The following NOS1AP variants were observed in gnomAD, a reference collection of about 807,000 sequenced individuals.
NOS1AP encodes nitric oxide synthase 1 adaptor protein.
NOS1AP carries 21 observed loss-of-function variants against 56.2 expected under a neutral mutation model. The ratio of observed to expected loss-of-function variants is 0.37; its 90% CI spans 0.26 to 0.54. The LOEUF is 0.54. Among genes scored for constraint, NOS1AP ranks in the 20% least tolerant of loss-of-function variants. The pLI is 0.84. For synonymous variants in NOS1AP, 270 were observed against 274.6 expected (o/e 0.98, Z 0.17); for missense variants, 522 against 657.8 (o/e 0.79, Z 2.26).
chr1:162,088,306 A>T (rs1299855801), intron 1 of NOS1AP, among the ~76,000 whole-genome samples: 1 of 152,148 alleles, frequency 6.6e-6, no homozygotes, highest in African/African-American at 2.4e-5. Context: ...GCACCATAGG[A>T]TCACCTGAGG....
intron 2 of NOS1AP, among the ~76,000 whole-genome samples, chr1:162,203,717 G>A (rs935806031): frequency 3.3e-5 from 5 of 152,160 alleles, no homozygotes; most frequent in African/African-American, 1.2e-4. Context: ...TAATGCATGT[G>A]ATGTAGATGA....
intron 2 of NOS1AP, among the ~76,000 whole-genome samples, chr1:162,176,849 T>C (rs1011075490): frequency 2.0e-4 from 31 of 152,164 alleles, no homozygotes; most frequent in African/African-American, 7.5e-4. Flanking sequence ...TGTACCACAG[T>C]TTTTTCACTT....
At chr1:162,256,506 G>T (rs1654036042) in intron 2 of NOS1AP, among the ~76,000 whole-genome samples, 1 of 152,292 alleles carries the variant, frequency 6.6e-6, no homozygotes, top group South Asian at 2.1e-4. Context: ...CAGACTGCCT[G>T]TGAAGATTAA....
intron 1 of NOS1AP, among the ~76,000 whole-genome samples, chr1:162,085,700 A>G (rs1300245070): frequency 6.6e-6 from 1 of 152,140 alleles, no homozygotes; most frequent in African/African-American, 2.4e-5. Flanking sequence ...CATCTACCAT[A>G]TTTGGGACAC....
intron 1 of NOS1AP, among the ~76,000 whole-genome samples, chr1:162,153,365 G>T (rs569388079): frequency 8.8e-4 from 134 of 152,216 alleles, no homozygotes; most frequent in Non-Finnish European, 1.7e-3. Context: ...CTGACCTCAA[G>T]TGGTCTCCTT....
chr1:162,116,134 C>G (rs899840399), intron 1 of NOS1AP, among the ~76,000 whole-genome samples: 2 of 152,182 alleles, frequency 1.3e-5, no homozygotes, highest in African/African-American at 4.8e-5. Context: ...GGCTGAGCCC[C>G]TGGCCTCTGA....
chr1:162,152,953 G>A (rs999424184), intron 1 of NOS1AP, among the ~76,000 whole-genome samples: 7 of 151,994 alleles, frequency 4.6e-5, no homozygotes, highest in African/African-American at 1.7e-4. Flanking sequence ...TATCCCTTGG[G>A]CTGTTTTATG....
rs1656279690 is a variant in NOS1AP at position 162,317,811 on chromosome 1, G to A, written c.345-15206G>A. Reference sequence around the variant, plus strand: ...TGAGAAAGGGAAGTCAGTAACAGATGGGTGAAATGCAGGTCTGGGGCAGTT... The same window carrying A: ...TGAGAAAGGGAAGTCAGTAACAGATAGGTGAAATGCAGGTCTGGGGCAGTT... On this transcript the variant is annotated intron_variant, in intron 4 of 9. Transcript: ENST00000361897. The A allele has an allele frequency of 2.6e-5, 4 of 152,202 alleles. No homozygotes were observed. The South Asian group carries it at 8.3e-4, about 32-fold the overall frequency. The allele number at this position is 152,202 out of a possible 1,614,324, so 9.4% of individuals were successfully genotyped here.
intron 4 of NOS1AP, among the ~76,000 whole-genome samples, chr1:162,315,322 G>A (rs752385141): frequency 2.0e-5 from 3 of 152,214 alleles, no homozygotes; most frequent in South Asian, 2.1e-4. Flanking sequence ...TAGTAGGACC[G>A]TGTTGTAGCT....
chr1:162,169,235 C>A (rs934215606), intron 2 of NOS1AP, among the ~76,000 whole-genome samples: 4 of 152,204 alleles, frequency 2.6e-5, no homozygotes, highest in African/African-American at 9.6e-5. Flanking sequence ...TCTGACCAAT[C>A]CCACACCTTC....
In NOS1AP at chr1:162,356,940, G is replaced by A; in HGVS notation, c.763-20G>A. On this transcript the variant is annotated intron_variant, in intron 7 of 9. Transcript: ENST00000361897. ...TGGCTCCTGCCACATGTCATGTCCTGTCTTCTCCTTCTCCTCCAGGTTTCG... is the reference window on the plus strand; with the variant it reads ...TGGCTCCTGCCACATGTCATGTCCTATCTTCTCCTTCTCCTCCAGGTTTCG... 6.2e-7 allele frequency: 1 copy of A among 1,613,926 alleles called. No individual in the cohort carries two copies. Among genetic ancestry groups the A allele is most frequent in the Non-Finnish European group, 8.5e-7 (1 of 1,180,034 alleles).
At chr1:162,158,346 A>G (rs531650366) in intron 2 of NOS1AP, among the ~76,000 whole-genome samples, 2 of 152,300 alleles carry the variant, frequency 1.3e-5, no homozygotes, top group South Asian at 4.2e-4. Flanking sequence ...AGGCTGCTTA[A>G]TATTCCATAG....
intron 2 of NOS1AP, among the ~76,000 whole-genome samples, chr1:162,191,351 G>C (rs1277274774): frequency 6.6e-6 from 1 of 152,148 alleles, no homozygotes; most frequent in Non-Finnish European, 1.5e-5. Context: ...GCTTCTGACT[G>C]TTCTTTCCTG....
intron 2 of NOS1AP, among the ~76,000 whole-genome samples, chr1:162,259,639 A>G (rs991559052): frequency 3.3e-5 from 5 of 152,216 alleles, no homozygotes; most frequent in African/African-American, 4.8e-5. Flanking sequence ...TGTACTTTCA[A>G]TTATGTTCAT....
chr1:162,174,299 T>C (rs1384791125), intron 2 of NOS1AP, among the ~76,000 whole-genome samples: 1 of 150,952 alleles, frequency 6.6e-6, no homozygotes, highest in Non-Finnish European at 1.5e-5. Flanking sequence ...CTCAGCAAAC[T>C]ATCGCAACGA....
At chr1:162,266,792 G>C (rs4298709) in intron 2 of NOS1AP, among the ~76,000 whole-genome samples, 2 of 152,034 alleles carry the variant, frequency 1.3e-5, no homozygotes, top group South Asian at 4.1e-4. Flanking sequence ...ATTATACTAC[G>C]ATGCTTATAA....
chr1:162,081,795 G>GTTT (rs1691902332), intron 1 of NOS1AP, among the ~76,000 whole-genome samples: 1 of 45,240 alleles, frequency 2.2e-5, no homozygotes, highest in African/African-American at 7.4e-5. Context: ...GTAGAGATGG[G>GTTT]TTTTCACCAT....
chr1:162,185,506 C>A (rs1196021488), intron 2 of NOS1AP, among the ~76,000 whole-genome samples: 1 of 152,168 alleles, frequency 6.6e-6, no homozygotes, highest in Non-Finnish European at 1.5e-5. Flanking sequence ...GTTATCTGAA[C>A]AGCCAGTTAT....
At chr1:162,230,389 G>A (rs1302045281) in intron 2 of NOS1AP, among the ~76,000 whole-genome samples, 3 of 152,166 alleles carry the variant, frequency 2.0e-5, no homozygotes, top group Non-Finnish European at 4.4e-5. Flanking sequence ...GTGCCAGCTG[G>A]CAATGGGGAA....
Sources: allele counts gnomAD v4.1 joint callset (sites outside exome capture counted in the v4.1 genomes callset), GRCh38; gene constraint gnomAD v4.1.1; transcripts MANE v1.5; gene names NCBI Gene and HGNC (gene_info 2026-07-23, HGNC 2026-07-21).